The following DIAPH2 variants were observed in gnomAD, a reference collection of about 807,000 sequenced individuals.
DIAPH2 encodes diaphanous related formin 2, also known as protein diaphanous homolog 2.
A neutral mutation model predicts 92.7 loss-of-function variants in DIAPH2; 35 were observed. The observed-to-expected ratio is 0.38, with a 90% CI of 0.29 to 0.50. The LOEUF is 0.50. DIAPH2 is among the 20% of genes least tolerant of loss of function. The pLI is 0.94. For synonymous variants in DIAPH2, 301 were observed against 280.4 expected, an observed-to-expected ratio of 1.07 and a Z score of -0.73; for missense variants, 701 against 819.5, an observed-to-expected ratio of 0.86 and a Z score of 1.77.
chrX:97,270,316 G>A (rs1439368988), intron 23 of DIAPH2, among the ~76,000 whole-genome samples: 2 of 111,600 alleles, frequency 1.8e-5, no homozygotes, highest in Non-Finnish European at 3.8e-5. Context: ...CGCCCGCCTC[G>A]GCCTCCCAAA....
chrX:96,915,334 T>C (rs2065496015), intron 7 of DIAPH2, among the ~76,000 whole-genome samples: 1 of 110,948 alleles, frequency 9.0e-6, no homozygotes, highest in Non-Finnish European at 1.9e-5. Flanking sequence ...TTACTTTTAA[T>C]CATCTACTGG....
At chrX:97,172,872 G>A (rs1411724394) in intron 22 of DIAPH2, among the ~76,000 whole-genome samples, 1 of 111,620 alleles carries the variant, frequency 9.0e-6, no homozygotes, top group Admixed American at 9.5e-5. Context: ...ATTACCTTCC[G>A]TTCACTATGC....
chrX:97,093,400 C>G (rs941427776), intron 19 of DIAPH2, among the ~76,000 whole-genome samples: 6 of 111,197 alleles, frequency 5.4e-5, no homozygotes, highest in African/African-American at 2.0e-4. Flanking sequence ...AAACTGTCTT[C>G]GGCCTGGAGT....
chrX:97,433,969 A>T (rs1432335932), intron 26 of DIAPH2, among the ~76,000 whole-genome samples: 3 of 112,077 alleles, frequency 2.7e-5, no homozygotes, highest in Non-Finnish European at 3.8e-5. Flanking sequence ...ATGAGTAGGG[A>T]TTCCAACAGT....
intron 26 of DIAPH2, among the ~76,000 whole-genome samples, chrX:97,567,894 C>G (rs2071337890): frequency 9.2e-6 from 1 of 108,895 alleles, no homozygotes; most frequent in African/African-American, 3.3e-5. Context: ...GTGGGCAGAT[C>G]ACCTGAGGTT....
intron 23 of DIAPH2, among the ~76,000 whole-genome samples, chrX:97,275,395 T>C (rs1237289252): frequency 2.2e-5 from 2 of 91,605 alleles, no homozygotes; most frequent in East Asian, 4.0e-4. Context: ...CCCTCCTGGG[T>C]GGGGCGGCTG....
chrX:97,355,077 G>C (rs1350061953), intron 24 of DIAPH2, among the ~76,000 whole-genome samples: 1 of 111,689 alleles, frequency 9.0e-6, no homozygotes, highest in African/African-American at 3.3e-5. Flanking sequence ...ACCTAAACTT[G>C]TCTGAGAGCT....
chrX:97,264,723 C>T (rs1349366776), intron 23 of DIAPH2, among the ~76,000 whole-genome samples: 4 of 112,271 alleles, frequency 3.6e-5, no homozygotes, highest in African/African-American at 9.7e-5. Flanking sequence ...CAGTGGCTCA[C>T]GCCTGTAATG....
intron 22 of DIAPH2, among the ~76,000 whole-genome samples, chrX:97,151,239 G>T (rs1384217219): frequency 1.8e-5 from 2 of 111,330 alleles, no homozygotes; most frequent in African/African-American, 6.5e-5. Flanking sequence ...CCACTTATAT[G>T]CACTTTTCTT....
At chrX:97,550,885 G>A (rs918485808) in intron 26 of DIAPH2, among the ~76,000 whole-genome samples, 1 of 111,921 alleles carries the variant, frequency 8.9e-6, no homozygotes, top group Non-Finnish European at 1.9e-5. Flanking sequence ...TGCAGAGCAA[G>A]AGGTCTTTGG....
intron 19 of DIAPH2, among the ~76,000 whole-genome samples, chrX:97,080,111 T>C (rs2066731356): frequency 9.1e-6 from 1 of 110,201 alleles, no homozygotes; most frequent in African/African-American, 3.3e-5. Flanking sequence ...ACTTGTATTG[T>C]TTTTTGTTTG....
intron 24 of DIAPH2, among the ~76,000 whole-genome samples, chrX:97,373,617 T>G (rs747249180): frequency 2.0e-3 from 199 of 98,273 alleles, no homozygotes; most frequent in African/African-American, 7.1e-3. Context: ...TTTTTTTTTT[T>G]TTTTTTTGAG....
intron 4 of DIAPH2, among the ~76,000 whole-genome samples, chrX:96,871,240 G>A (rs1040879721): frequency 4.5e-5 from 5 of 110,283 alleles, no homozygotes; most frequent in South Asian, 3.8e-4. Context: ...AGGCCGAGGC[G>A]GGAGGATCAT....
At position 96,832,028 on chromosome X, in the gene DIAPH2, A is replaced by G. The variant is rs552376602; in HGVS notation, c.448-49551A>G. Among the ~76,000 whole-genome samples the G allele has an allele frequency of 8.1e-5, 9 of 111,730 alleles. No individual in the cohort carries two copies. The South Asian group carries it at 3.4e-3, about 43-fold the overall frequency. ...AAGTACGATCCTACTGTGACCTTCT[A>G]AGGAGGAGAACCAGAAATGTTGATG... On this transcript the variant is annotated intron_variant, in intron 4 of 26. Transcript: ENST00000324765.
intron 4 of DIAPH2, among the ~76,000 whole-genome samples, chrX:96,796,107 A>G (rs1440580591): frequency 8.9e-6 from 1 of 112,218 alleles, no homozygotes; most frequent in African/African-American, 3.2e-5. Context: ...GGATAACTGT[A>G]TAATTATTAA....
At chrX:97,204,037 T>G (rs1364146280) in intron 22 of DIAPH2, among the ~76,000 whole-genome samples, 1 of 111,917 alleles carries the variant, frequency 8.9e-6, no homozygotes, top group Non-Finnish European at 1.9e-5. Context: ...TCAATAAACA[T>G]AATCCATCAC....
chrX:97,149,238 T>C (rs2067267682), intron 22 of DIAPH2, among the ~76,000 whole-genome samples: 1 of 111,791 alleles, frequency 8.9e-6, no homozygotes, highest in Non-Finnish European at 1.9e-5. Flanking sequence ...AAACTAAGGT[T>C]TCCTAACAGA....
At chrX:97,303,095 A>G (rs977415722) in intron 23 of DIAPH2, among the ~76,000 whole-genome samples, 3 of 112,669 alleles carry the variant, frequency 2.7e-5, no homozygotes, top group African/African-American at 9.7e-5. Flanking sequence ...ATGCTTGACT[A>G]AACTTTTTCA....
At chrX:97,568,859 CAGTGA>C (rs891566258) in intron 26 of DIAPH2, among the ~76,000 whole-genome samples, 8 of 111,774 alleles carry the variant, frequency 7.2e-5, no homozygotes, top group African/African-American at 2.3e-4. Context: ...GAGTTGAAAT[CAGTGA>C]AGTGAATGGT....
Sources: allele counts gnomAD v4.1 joint callset (sites outside exome capture counted in the v4.1 genomes callset), GRCh38; gene constraint gnomAD v4.1.1; transcripts MANE v1.5; gene names NCBI Gene and HGNC (gene_info 2026-07-23, HGNC 2026-07-21).